The following GRK5 variants were observed in gnomAD, a reference collection of about 807,000 sequenced individuals.
The protein encoded by GRK5 is G protein-coupled receptor kinase 5.
A neutral mutation model predicts 78.4 loss-of-function variants in GRK5; 40 were observed. That is an observed-to-expected ratio of 0.51 (90% CI 0.40 to 0.66). The LOEUF is 0.66. GRK5 is among the 30% of genes least tolerant of loss of function. GRK5 has a pLI of 0.00. For missense variants in GRK5, 598 were observed against 759.9 expected (o/e 0.79, Z 2.50); for synonymous variants, 289 against 296.8 (o/e 0.97, Z 0.27).
chr10:119,294,733 T>A (rs1277812860), intron 1 of GRK5, among the ~76,000 whole-genome samples: 1 of 152,216 alleles, frequency 6.6e-6, no homozygotes, highest in Non-Finnish European at 1.5e-5. Context: ...AGGCCAGTTC[T>A]ATTTTTACAA....
rs568366221 is a variant in GRK5, at chr10:119,391,906, ATC to A, written c.262-4785_262-4784del. Among the ~76,000 whole-genome samples the A allele has an allele frequency of 4.3e-3, 659 of 152,334 alleles. 4 individuals carry two copies. The highest frequency in any genetic ancestry group is 5.5e-3 in the Non-Finnish European group (377 of 68,026). ...GCTGGAGGTGGCAAGACCTCATGGC[ATC>A]TCTGACTTCATCTTCCTGTTAGGGC... On this transcript the variant is annotated intron_variant, in intron 3 of 15. Transcript: ENST00000392870.
chr10:119,261,030 G>A (rs1405306202), intron 1 of GRK5, among the ~76,000 whole-genome samples: 7 of 141,698 alleles, frequency 4.9e-5, no homozygotes, highest in Admixed American at 7.0e-5. Flanking sequence ...TGGCCGGGCA[G>A]GGGGCTGACC....
intron 1 of GRK5, chr10:119,212,961 T>C (rs1848512731): frequency 6.6e-6 from 1 of 152,206 alleles, no homozygotes; most frequent in African/African-American, 2.4e-5. Context: ...CTATTGGGTA[T>C]CTGCAGTAAG....
chr10:119,228,835 T>C (rs1848782877), intron 1 of GRK5, among the ~76,000 whole-genome samples: 1 of 152,058 alleles, frequency 6.6e-6, no homozygotes, highest in Non-Finnish European at 1.5e-5. Flanking sequence ...AGAAATAAAA[T>C]CCTTAAAGAA....
rs539629175 is a variant in GRK5 at position 119,347,729 on chromosome 10, C to T, written c.148+21118C>T. Among the ~76,000 whole-genome samples, 7 of 152,376 alleles carry T rather than the reference C, an allele frequency of 4.6e-5. No individual in the cohort carries two copies. In the East Asian group the frequency reaches 9.6e-4, roughly 21 times the overall value. ...GGCCTGGTTCCCGGCCCCCGCACAT[C>T]GTGCATGAGAAGCATGGCCCTTGCT... is the stretch of plus-strand genomic sequence containing the variant. On this transcript the variant is annotated intron_variant, in intron 2 of 15. Transcript: ENST00000392870.
intron 1 of GRK5, among the ~76,000 whole-genome samples, chr10:119,288,614 T>C (rs1320211827): frequency 6.6e-6 from 1 of 152,128 alleles, no homozygotes; most frequent in Admixed American, 6.5e-5. Context: ...TGCAGCAACA[T>C]GGTGGGCTCT....
intron 2 of GRK5, among the ~76,000 whole-genome samples, chr10:119,364,647 T>C (rs2133813536): frequency 6.6e-6 from 1 of 152,286 alleles, no homozygotes; most frequent in South Asian, 2.1e-4. Context: ...CGGTCTGACC[T>C]TTCAGAACCC....
At chr10:119,232,973 A>C (rs1848855860) in intron 1 of GRK5, among the ~76,000 whole-genome samples, 2 of 152,246 alleles carry the variant, frequency 1.3e-5, no homozygotes, top group African/African-American at 4.8e-5. Context: ...TAAAAGATAA[A>C]AAACTATAAT....
intron 1 of GRK5, among the ~76,000 whole-genome samples, chr10:119,277,643 G>A (rs543125382): frequency 1.3e-5 from 2 of 151,928 alleles, no homozygotes; most frequent in African/African-American, 2.4e-5. Context: ...ATCCATACCC[G>A]TGTGAATCTA....
chr10:119,291,567 CTCTTCCTCCTCCTCCTCT>C (rs1849957380), intron 1 of GRK5, among the ~76,000 whole-genome samples: 1 of 140,800 alleles, frequency 7.1e-6, no homozygotes, highest in African/African-American at 2.6e-5. Context: ...CCTCCTCCTC[CTCTTCCTCCTCCTCCTCT>C]TCCTCCTCCT....
At chr10:119,418,616 G>A (rs1852510519) in intron 4 of GRK5, among the ~76,000 whole-genome samples, 1 of 152,230 alleles carries the variant, frequency 6.6e-6, no homozygotes, top group Admixed American at 6.5e-5. Context: ...TGACCACTGT[G>A]TAGCTTCAGC....
intron 1 of GRK5, among the ~76,000 whole-genome samples, chr10:119,233,119 C>T (rs1010390684): frequency 1.3e-5 from 2 of 152,182 alleles, no homozygotes; most frequent in African/African-American, 4.8e-5. Flanking sequence ...CTCCTCCATG[C>T]CAGAGGCAAG....
chr10:119,454,843 G>A, intron 15 of GRK5, 126 bp from the exon 16 acceptor site: 1 of 647,432 alleles, frequency 1.5e-6, no homozygotes, highest in Non-Finnish European at 2.8e-6. Flanking sequence ...CTGGCTCTGA[G>A]GGGAGACTGC....
chr10:119,396,804 G>T, intron 4 of GRK5, 32 bp downstream of exon 4: 2 of 1,536,522 alleles, frequency 1.3e-6, no homozygotes, highest in East Asian at 2.2e-5. Flanking sequence ...ACAGCAGGTG[G>T]CACAGGAGGC....
intron 4 of GRK5, among the ~76,000 whole-genome samples, chr10:119,420,333 T>C (rs1190133866): frequency 1.0e-5 from 1 of 100,154 alleles, no homozygotes; most frequent in Non-Finnish European, 1.9e-5. Context: ...AAAAGTTTGC[T>C]ACTAAAACAA....
In GRK5 at chr10:119,430,763, C is replaced by A. The variant is rs1589806553; in HGVS notation, c.597+325C>A. Among the ~76,000 whole-genome samples the A allele has an allele frequency of 6.6e-6, 1 of 152,082 alleles. No homozygotes were observed. The highest frequency in any genetic ancestry group is 2.4e-5 in the African/African-American group (1 of 41,404). ...GATGTGAGGGCGTGAGGAGGCTGGG[C>A]AACCTTGGCCACTCAGTGCCTGGAT... On this transcript the variant is annotated intron_variant, in intron 7 of 15. Transcript: ENST00000392870. This position sits in a 1 kb window ranked among gnomAD's most constrained non-coding sequence, Gnocchi z 4.5.
At chr10:119,423,816 C>T (rs1286500103) in intron 5 of GRK5, among the ~76,000 whole-genome samples, 3 of 152,130 alleles carry the variant, frequency 2.0e-5, no homozygotes, top group South Asian at 4.1e-4. Context: ...CACACACACA[C>T]ATACACACAC....
At chr10:119,395,099 A>G (rs1458936713) in intron 3 of GRK5, among the ~76,000 whole-genome samples, 1 of 143,588 alleles carries the variant, frequency 7.0e-6, no homozygotes, top group Admixed American at 7.9e-5. Context: ...AGCAGCTGTG[A>G]CCTTGGACCT....
At chr10:119,421,599 G>T (rs1276835040) in intron 4 of GRK5, among the ~76,000 whole-genome samples, 2 of 152,222 alleles carry the variant, frequency 1.3e-5, no homozygotes, top group African/African-American at 2.4e-5. Flanking sequence ...GAAGGCAGGT[G>T]GGAGACAGCA....
Sources: gnomAD v4.1 joint callset for allele counts (sites outside exome capture counted in the v4.1 genomes callset) on GRCh38, gnomAD v4.1.1 for gene constraint, Gnocchi (gnomAD v3.1) non-coding constraint, MANE v1.5 for transcripts, NCBI Gene and HGNC (gene_info 2026-07-23, HGNC 2026-07-21) for gene names.